ZNF146: variants seen among roughly 807,000 people sequenced by gnomAD.
ZNF146 encodes the protein zinc finger protein OZF.
A neutral mutation model predicts 22.2 loss-of-function variants in ZNF146; 9 were observed. That is an observed-to-expected ratio of 0.41 (90% CI 0.24 to 0.71). The LOEUF is 0.71. ZNF146 is among the 30% of genes least tolerant of loss of function. The pLI is 0.34. For synonymous variants in ZNF146, 108 were observed against 119.2 expected (o/e 0.91, Z 0.61); for missense variants, 194 against 344.8 (o/e 0.56, Z 3.46).
At position 36,216,362 on chromosome 19, in the gene ZNF146, C is replaced by A. The variant is rs550270686; in HGVS notation, c.-929+1166C>A. Reference sequence around the variant, plus strand: ...TGTATTAATTTACTGTGATCTTGGTCGGGTGCGGTGGCTCATGCCTGTAAT... The same window carrying A: ...TGTATTAATTTACTGTGATCTTGGTAGGGTGCGGTGGCTCATGCCTGTAAT... On this transcript the variant is annotated intron_variant, in intron 1 of 3. Coordinates refer to ENST00000443387, the MANE Select transcript of ZNF146 (RefSeq NM_007145.3). Among the ~76,000 whole-genome samples the A allele has an allele frequency of 1.2e-4, 18 of 152,022 alleles. No individual in the cohort carries two copies. The South Asian group carries it at 3.7e-3, about 32-fold the overall frequency.
At chr19:36,231,837 C>T (rs924907769) in intron 3 of ZNF146, among the ~76,000 whole-genome samples, 4 of 151,630 alleles carry the variant, frequency 2.6e-5, no homozygotes, top group Admixed American at 6.6e-5. Context: ...GTAGGCGAGG[C>T]GGCAGATCTC....
chr19:36,230,894 C>G lies in ZNF146; in HGVS notation c.-783+2075C>G, dbSNP rs192844353. ...TCGGCTCACTGCAACCTCCACTTTCCAGGTTCAAGCGATTCTCCTGCCTTA... is the reference window on the plus strand; with the variant it reads ...TCGGCTCACTGCAACCTCCACTTTCGAGGTTCAAGCGATTCTCCTGCCTTA... On this transcript the variant is annotated intron_variant, in intron 3 of 3. Transcript: ENST00000443387. Among the ~76,000 whole-genome samples the G allele has an allele frequency of 1.3e-3, 205 of 152,202 alleles. 1 individual carries two copies. Among genetic ancestry groups the G allele is most frequent in the African/African-American group, 4.5e-3 (187 of 41,512 alleles).
chr19:36,238,384 G>A lies in ZNF146; in HGVS notation c.*1065G>A, dbSNP rs1480410029. On this transcript the variant is annotated 3_prime_UTR_variant, in exon 4 of 4. Coordinates refer to ENST00000443387, the MANE Select transcript of ZNF146 (RefSeq NM_007145.3). ...TTGATAGTGGTCACCTGTGAAGAGT[G>A]GAGAAGGGAAAATAATGAGTGTGGG... 6.0e-6 allele frequency: 1 copy of A among 167,100 alleles called. No homozygotes were observed. Among genetic ancestry groups the A allele is most frequent in the Non-Finnish European group, 1.5e-5 (1 of 68,120 alleles). The allele number at this position is 167,100 out of a possible 1,614,324, so 10.4% of individuals were successfully genotyped here. A position where few individuals can be genotyped will look rare whatever the true frequency, so the allele number is the denominator to read the frequency against.
chr19:36,231,208 C>G (rs894536278), intron 3 of ZNF146, among the ~76,000 whole-genome samples: 1 of 151,988 alleles, frequency 6.6e-6, no homozygotes, highest in Non-Finnish European at 1.5e-5. Context: ...ACTAAAAATA[C>G]AAAAGTTCTT....
chr19:36,233,745 T>G (rs1977504452), intron 3 of ZNF146, among the ~76,000 whole-genome samples: 1 of 152,212 alleles, frequency 6.6e-6, no homozygotes, highest in South Asian at 2.1e-4. Flanking sequence ...ATGTCCCACC[T>G]CCAGCCCTAA....
intron 2 of ZNF146, among the ~76,000 whole-genome samples, chr19:36,227,700 G>A (rs927881639): frequency 5.3e-5 from 8 of 152,200 alleles, no homozygotes; most frequent in South Asian, 4.1e-4. Context: ...GACTACAGGC[G>A]CACACCATTG....
intron 2 of ZNF146, among the ~76,000 whole-genome samples, chr19:36,219,715 G>A (rs1433790426): frequency 6.6e-6 from 1 of 152,012 alleles, no homozygotes; most frequent in East Asian, 1.9e-4. Context: ...ATTCTTGGCT[G>A]GATGAGTAAA....
At chr19:36,231,266 G>A (rs1568434574) in intron 3 of ZNF146, among the ~76,000 whole-genome samples, 1 of 152,186 alleles carries the variant, frequency 6.6e-6, no homozygotes, top group East Asian at 1.9e-4. Flanking sequence ...TTGGAGTGCG[G>A]TGGTGCCATC....
At chr19:36,235,101 C>A (rs1180585385) in intron 3 of ZNF146, among the ~76,000 whole-genome samples, 2 of 151,460 alleles carry the variant, frequency 1.3e-5, no homozygotes, top group African/African-American at 4.9e-5. Flanking sequence ...CCCAGTTACT[C>A]AGGAGGCTGA....
chr19:36,229,755 T>C (rs987082764), intron 3 of ZNF146, among the ~76,000 whole-genome samples: 1 of 152,238 alleles, frequency 6.6e-6, no homozygotes, highest in African/African-American at 2.4e-5. Flanking sequence ...AGTTTTGCTT[T>C]GTCACCCAGG....
intron 2 of ZNF146, among the ~76,000 whole-genome samples, chr19:36,218,523 T>A (rs1976706810): frequency 6.6e-6 from 1 of 151,966 alleles, no homozygotes; most frequent in South Asian, 2.1e-4. Flanking sequence ...TGCAGTGCAG[T>A]GGCCTGATCT....
At chr19:36,232,144 A>C (rs1802149161) in intron 3 of ZNF146, among the ~76,000 whole-genome samples, 1 of 150,432 alleles carries the variant, frequency 6.6e-6, no homozygotes, top group Middle Eastern at 3.4e-3. Context: ...CGGAGGTTGC[A>C]GTGAGCTGAG....
intron 1 of ZNF146, among the ~76,000 whole-genome samples, chr19:36,217,149 G>GC (rs527556677): frequency 1.5e-5 from 2 of 129,090 alleles, no homozygotes; most frequent in African/African-American, 2.9e-5. Flanking sequence ...TGCAACCTCT[G>GC]CCCCCCAGGT....
At position 36,236,340 on chromosome 19, in the gene ZNF146, G is replaced by A. The variant is rs1456195552; in HGVS notation, c.-101G>A. 5.8e-6 allele frequency: 8 copies of A among 1,375,110 alleles called. No homozygotes were observed. The highest frequency in any genetic ancestry group is 1.5e-5 in the South Asian group (1 of 67,914). The allele number at this position is 1,375,110 out of a possible 1,614,324, so 85.2% of individuals were successfully genotyped here. ...TCATACACAGAGAAGCCTTATAAATGTAAGAGATGTGGAAATATCTTCAGC... is the reference window on the plus strand; with the variant it reads ...TCATACACAGAGAAGCCTTATAAATATAAGAGATGTGGAAATATCTTCAGC... On this transcript the variant is annotated 5_prime_UTR_variant, in exon 4 of 4. The change abolishes an upstream ATG in the 5' untranslated region. Transcript: ENST00000443387.
intron 2 of ZNF146, among the ~76,000 whole-genome samples, chr19:36,218,894 C>T (rs1343244412): frequency 1.3e-5 from 2 of 151,106 alleles, no homozygotes; most frequent in African/African-American, 4.9e-5. Context: ...CTGCAAGCTT[C>T]ACCTCCCAGG....
Position 36,237,302 on chromosome 19 carries a change from A to C in ZNF146, c.862A>C (p.Lys288Gln), listed in dbSNP as rs766519116. 6.2e-7 allele frequency: 1 copy of C among 1,606,442 alleles called. No individual in the cohort carries two copies. The highest frequency in any genetic ancestry group is 1.1e-5 in the South Asian group (1 of 90,162). The change falls in exon 4 of 4, where the codon AAA (lysine) becomes CAA (glutamine). Residue 288 changes from lysine to glutamine, a missense_variant. Lys to Gln is a moderately conservative substitution (Grantham distance 53). Around this residue, in one of 2 missense-constraint regions of ZNF146, gnomAD observed 147 missense variants for 300.1 expected, o/e 0.49. Transcript: ENST00000443387. Reference sequence around the variant, plus strand: ...GAAGTCACACCACATTAGACACCAGAAAATTCATACTCACTAAAAACCCCA... The same window carrying C: ...GAAGTCACACCACATTAGACACCAGCAAATTCATACTCACTAAAAACCCCA... ...SQKSHHIRHQ[K>Q]IHTH
intron 3 of ZNF146, among the ~76,000 whole-genome samples, chr19:36,233,775 A>G (rs1001926645): frequency 6.6e-6 from 1 of 152,224 alleles, no homozygotes; most frequent in Non-Finnish European, 1.5e-5. Flanking sequence ...CCCCTATCTC[A>G]GTAGATGGAA....
chr19:36,229,660 T>C (rs1387075260), intron 3 of ZNF146, among the ~76,000 whole-genome samples: 2 of 152,240 alleles, frequency 1.3e-5, no homozygotes, highest in Non-Finnish European at 2.9e-5. Flanking sequence ...TGGTATATTA[T>C]ATATTCTATT....
At position 36,237,124 on chromosome 19, in the gene ZNF146, T is replaced by C; in HGVS notation, c.684T>C (p.Thr228=). ...CCTTCTCTCAGAGCTCATCTCTCAC[T>C]GTGCATGTGAGAAGCCATACAGGGG... ...GKAFSQSSSL[T]VHVRSHTGEK... The change falls in exon 4 of 4, where the codon ACT becomes ACC. Residue 228 remains threonine (T), a synonymous_variant. Transcript: ENST00000443387. 1 of 1,614,178 alleles carries C rather than the reference T, an allele frequency of 6.2e-7. No homozygotes were observed. The highest frequency in any genetic ancestry group is 1.7e-5 in the Admixed American group (1 of 60,032).
Sources: gnomAD v4.1 joint callset for allele counts (sites outside exome capture counted in the v4.1 genomes callset) on GRCh38, gnomAD v4.1.1 for gene constraint, gnomAD v4.1.1 regional missense constraint, MANE v1.5 for transcripts, NCBI Gene and HGNC (gene_info 2026-07-23, HGNC 2026-07-21) for gene names.